CADM3: variants seen among roughly 807,000 people sequenced by gnomAD.
CADM3 encodes the protein TSLC1-like 1.
In CADM3, 11 loss-of-function variants were observed where a neutral mutation model predicts 44.9. That is an observed-to-expected ratio of 0.25 (90% CI 0.15 to 0.41). The LOEUF is 0.41. CADM3 is among the 10% of genes least tolerant of loss of function. The probability of loss-of-function intolerance (pLI) is 1.00; values close to 1 mark genes in which losing one functional copy is unlikely to be tolerated. For synonymous variants in CADM3, 207 were observed against 205.2 expected (o/e 1.01, Z -0.08); for missense variants, 426 against 512.0 (o/e 0.83, Z 1.62).
intron 1 of CADM3, among the ~76,000 whole-genome samples, chr1:159,183,100 A>T (rs769638437): frequency 7.8e-4 from 118 of 152,252 alleles, no homozygotes; most frequent in Non-Finnish European, 1.4e-3. Flanking sequence ...GAACCAAAAG[A>T]TGTCTGCCAA....
chr1:159,193,667 G>C, intron 4 of CADM3, 107 bp downstream of exon 4: 1 of 1,522,402 alleles, frequency 6.6e-7, no homozygotes, highest in Non-Finnish European at 9.0e-7. Flanking sequence ...GAGAAAAGGG[G>C]AATGACATAT....
At chr1:159,198,842 G>A (rs1650020563) in intron 7 of CADM3, among the ~76,000 whole-genome samples, 1 of 152,150 alleles carries the variant, frequency 6.6e-6, no homozygotes, top group African/African-American at 2.4e-5. Context: ...CTCTACATAG[G>A]TTGCCAATCC....
chr1:159,200,310 T>C (rs1030615813), intron 8 of CADM3, among the ~76,000 whole-genome samples: 16 of 152,196 alleles, frequency 1.1e-4, no homozygotes, highest in African/African-American at 3.4e-4. Context: ...TTCTCTCTTA[T>C]ATCCATGCCT....
At chr1:159,199,918 C>G (rs755275286) in intron 8 of CADM3, 42 bp downstream of exon 8, 14 of 1,603,224 alleles carry the variant, frequency 8.7e-6, no homozygotes, top group Non-Finnish European at 1.2e-5. Context: ...TTGGGAGGGG[C>G]AGGGAGACCA....
chr1:159,171,729 C>A lies in CADM3; in HGVS notation c.-37C>A, dbSNP rs562685665. ...TCCCCAGCCCCCGGGGATTCAGGCT[C>A]GCCAGCGCCCAGCCAGGGAGCCGGC... On this transcript the variant is annotated 5_prime_UTR_variant, in exon 1 of 9. Coordinates refer to ENST00000368125, the MANE Select transcript of CADM3 (RefSeq NM_001127173.3). 2 of 1,219,980 alleles carry A rather than the reference C, an allele frequency of 1.6e-6. No homozygotes were observed. The highest frequency in any genetic ancestry group is 1.0e-6 in the Non-Finnish European group (1 of 976,898). The allele number at this position is 1,219,980 out of a possible 1,614,324, so 75.6% of individuals were successfully genotyped here. A position where few individuals can be genotyped will look rare whatever the true frequency, so the allele number is the denominator to read the frequency against.
In CADM3 at chr1:159,200,977, C is replaced by G; in HGVS notation, c.*55C>G. 7 of 1,339,334 alleles carry G rather than the reference C, an allele frequency of 5.2e-6. No individual in the cohort carries two copies. The highest frequency in any genetic ancestry group is 7.2e-6 in the Non-Finnish European group (7 of 974,510). The allele number at this position is 1,339,334 out of a possible 1,614,324, so 83.0% of individuals were successfully genotyped here. A position where few individuals can be genotyped will look rare whatever the true frequency, so the allele number is the denominator to read the frequency against. On this transcript the variant is annotated 3_prime_UTR_variant, in exon 9 of 9. Coordinates refer to ENST00000368125, the MANE Select transcript of CADM3 (RefSeq NM_001127173.3). ...GGGGCCCTGTGGGGACTGCTGGGGC[C>G]GTCACCAACCCGGACTTGTACAGAG...
Position 159,196,424 on chromosome 1 carries a change from T to A in CADM3, c.752T>A (p.Leu251Ter). The change falls in exon 6 of 9, where the codon TTG (leucine) becomes TAG (stop). Residue 251 changes from leucine (L) to a stop codon, truncating the protein, a stop_gained. Transcript: ENST00000368125. LOFTEE classifies it high-confidence loss of function. ...CATCCTCGTGAGGGCCAGAAGCTGT[T>A]GCTACACTGTGAGGGTCGCGGCAAT... Reference protein sequence around the residue: ...PPHPREGQKLLLHCEGRGNPV... With the variant: ...PPHPREGQKL 6.2e-7 allele frequency: 1 copy of A among 1,614,118 alleles called. No individual in the cohort carries two copies.
At chr1:159,191,339 A>C (rs1272348026) in intron 1 of CADM3, among the ~76,000 whole-genome samples, 1 of 152,200 alleles carries the variant, frequency 6.6e-6, no homozygotes, top group African/African-American at 2.4e-5. Flanking sequence ...ACTGAAGGGA[A>C]GTTATTGTTA....
intron 1 of CADM3, among the ~76,000 whole-genome samples, chr1:159,186,181 G>A (rs1423087570): frequency 2.0e-5 from 3 of 152,160 alleles, no homozygotes; most frequent in Non-Finnish European, 4.4e-5. Flanking sequence ...ATTCCAAAAG[G>A]CTTCACATGC....
chr1:159,192,830 A>G, intron 3 of CADM3, 100 bp downstream of exon 3: 4 of 1,265,206 alleles, frequency 3.2e-6, no homozygotes, highest in Admixed American at 2.3e-5. Flanking sequence ...CAAGTCTCCA[A>G]GCACTTTAGG....
chr1:159,176,365 G>T (rs1649016891), intron 1 of CADM3, among the ~76,000 whole-genome samples: 1 of 152,090 alleles, frequency 6.6e-6, no homozygotes, highest in East Asian at 1.9e-4. Context: ...TGTTTTAGAG[G>T]TCCACCCTTA....
intron 7 of CADM3, chr1:159,197,569 C>A (rs1410838959): frequency 1.3e-5 from 2 of 152,270 alleles, no homozygotes; most frequent in African/African-American, 4.8e-5. Context: ...AGAATCTTTT[C>A]TCAGATGCCA....
chr1:159,187,896 G>C (rs534161372), intron 1 of CADM3, among the ~76,000 whole-genome samples: 1 of 152,108 alleles, frequency 6.6e-6, no homozygotes, highest in South Asian at 2.1e-4. Flanking sequence ...TGCTGGATGT[G>C]ACAGTCCTGG....
At chr1:159,188,864 G>T (rs1433818299) in intron 1 of CADM3, among the ~76,000 whole-genome samples, 1 of 152,200 alleles carries the variant, frequency 6.6e-6, no homozygotes, top group Admixed American at 6.5e-5. Flanking sequence ...GATGTAGGAA[G>T]TAAGTTTCTT....
rs199748116 is a variant in CADM3 at position 159,193,878 on chromosome 1, A to G, written c.529A>G (p.Thr177Ala). The change falls in exon 5 of 9, where the codon ACC (threonine) becomes GCC (alanine). Residue 177 changes from threonine (T) to alanine (A), a missense_variant. Physicochemically the swap from Thr to Ala is moderately conservative, Grantham distance 58 (BLOSUM62 0). Around this residue, in one of 2 missense-constraint regions of CADM3, gnomAD observed 362 missense variants for 474.6 expected, o/e 0.76. Transcript: ENST00000368125. ...CTGTTTCTGCACTCTAGGAGAACCA[A>G]CCCGCATACAGGAAGATCCCAATGG... ...KGDQELHGEP[T>A]RIQEDPNGKT... 2.5e-6 allele frequency: 4 copies of G among 1,613,636 alleles called. No individual in the cohort carries two copies. The highest frequency in any genetic ancestry group is 4.5e-5 in the East Asian group (2 of 44,864).
chr1:159,203,111 G>T lies in CADM3; in HGVS notation c.*2189G>T, dbSNP rs1056657700. ...ACTCTCCTGTGCTAATCTCAGAGGG[G>T]TCACCCTCAATATATCTGGATTATC... On this transcript the variant is annotated 3_prime_UTR_variant, in exon 9 of 9. Coordinates refer to ENST00000368125, the MANE Select transcript of CADM3 (RefSeq NM_001127173.3). 5.3e-5 allele frequency: 8 copies of T among 152,256 alleles called. No individual in the cohort carries two copies. The highest frequency in any genetic ancestry group is 1.7e-4 in the African/African-American group (7 of 41,386). The allele number at this position is 152,256 out of a possible 1,614,324, so 9.4% of individuals were successfully genotyped here. A position where few individuals can be genotyped will look rare whatever the true frequency, so the allele number is the denominator to read the frequency against.
chr1:159,182,082 A>G (rs1463006456), intron 1 of CADM3, among the ~76,000 whole-genome samples: 1 of 144,892 alleles, frequency 6.9e-6, no homozygotes, highest in East Asian at 2.0e-4. Flanking sequence ...ACACACACAC[A>G]CACACGCACA....
intron 8 of CADM3, among the ~76,000 whole-genome samples, chr1:159,200,478 G>A (rs746253351): frequency 2.6e-5 from 4 of 151,780 alleles, no homozygotes; most frequent in Admixed American, 6.6e-5. Flanking sequence ...ACCAAGTTGC[G>A]TGCACACGCA....
At chr1:159,189,984 A>G (rs1649584240) in intron 1 of CADM3, 11 of 708,226 alleles carry the variant, frequency 1.6e-5, no homozygotes, top group Middle Eastern at 4.8e-4. Context: ...TCATTACCAC[A>G]CAGCACTTTC....
Sources: allele counts gnomAD v4.1 joint callset (sites outside exome capture counted in the v4.1 genomes callset), GRCh38; gene constraint gnomAD v4.1.1; regional missense constraint gnomAD v4.1.1; transcripts MANE v1.5; gene names NCBI Gene and HGNC (gene_info 2026-07-23, HGNC 2026-07-21).